ME1: variants seen among roughly 807,000 people sequenced by gnomAD.
ME1 encodes the protein NADP-dependent malic enzyme.
Under a neutral mutation model 66.4 loss-of-function variants are expected in ME1, and 74 were observed. The observed-to-expected ratio is 1.11, with a 90% confidence interval of 0.92 to 1.35. The LOEUF (loss-of-function observed/expected upper bound fraction) is 1.35, where lower values mean the gene tolerates loss of function less well. ME1 is among the 40% of genes most tolerant of loss of function. The probability of loss-of-function intolerance (pLI) is 0.00; values close to 1 mark genes in which losing one functional copy is unlikely to be tolerated. For synonymous variants in ME1, 251 were observed against 235.6 expected (o/e 1.07, Z -0.60); for missense variants, 750 against 694.1 (o/e 1.08, Z -0.90).
chr6:83,416,286 C>T (rs2128552925), intron 1 of ME1, among the ~76,000 whole-genome samples: 1 of 152,260 alleles, frequency 6.6e-6, no homozygotes, highest in African/African-American at 2.4e-5. Context: ...GCTTATGGTA[C>T]AAAGTTTTAA....
At chr6:83,405,616 A>G (rs191474933) in intron 2 of ME1, among the ~76,000 whole-genome samples, 14 of 151,872 alleles carry the variant, frequency 9.2e-5, no homozygotes, top group African/African-American at 3.4e-4. Context: ...GCTTTCGCCC[A>G]CTCAGTATGA....
At chr6:83,282,698 T>C (rs538714623) in intron 6 of ME1, among the ~76,000 whole-genome samples, 4 of 152,180 alleles carry the variant, frequency 2.6e-5, no homozygotes, top group Non-Finnish European at 5.9e-5. Context: ...GAAAACAGTG[T>C]GACGATTCCT....
chr6:83,359,974 G>A (rs1768977937), intron 3 of ME1, among the ~76,000 whole-genome samples: 1 of 152,236 alleles, frequency 6.6e-6, no homozygotes, highest in Non-Finnish European at 1.5e-5. Context: ...AGGCAATGCA[G>A]CAATCAGAAT....
At chr6:83,414,111 GAAAAAAAA>G (rs758493692) in intron 1 of ME1, among the ~76,000 whole-genome samples, 976 of 66,492 alleles carry the variant, frequency 0.015, 4 homozygotes, top group Non-Finnish European at 0.022. Context: ...ACCCCATCTT[GAAAAAAAA>G]AAAAAAAAAA....
intron 6 of ME1, among the ~76,000 whole-genome samples, chr6:83,300,550 A>G (rs1767694838): frequency 6.6e-6 from 1 of 151,360 alleles, no homozygotes; most frequent in Non-Finnish European, 1.5e-5. Context: ...AAACAGCCCC[A>G]TTAAAAAGTA....
chr6:83,297,889 A>T (rs1324405633), intron 6 of ME1, among the ~76,000 whole-genome samples: 4 of 152,300 alleles, frequency 2.6e-5, no homozygotes, highest in Admixed American at 2.6e-4. Context: ...AAAGGACATG[A>T]TCTCATTCCT....
intron 2 of ME1, among the ~76,000 whole-genome samples, chr6:83,401,564 GGAAC>G (rs1251901594): frequency 6.6e-6 from 1 of 152,136 alleles, no homozygotes; most frequent in Non-Finnish European, 1.5e-5. Context: ...AAGATGTTAT[GGAAC>G]AAATGAAAGA....
rs962683070 is a variant in ME1 at position 83,352,119 on chromosome 6, T to A, written c.383A>T (p.His128Leu). The A allele has an allele frequency of 8.5e-6, 13 of 1,525,376 alleles. No homozygotes were observed. In the Admixed American group the frequency reaches 1.6e-4, roughly 19 times the overall value. 94.5% of individuals were successfully genotyped at this position (1,525,376 alleles called of 1,614,324 possible). Reference protein sequence around the residue: ...RKPRGLFITIHDRGHIASVLN... With the variant: ...RKPRGLFITILDRGHIASVLN... ...AACTGAAGCAATATGCCCTCGATCG[T>A]GGATAGTAATAAAGAGACCTCTGCA... The change falls in exon 4 of 14, where the codon CAC (histidine) becomes CTC (leucine). Residue 128 changes from histidine (H) to leucine (L), a missense_variant. Coordinates refer to ENST00000369705, the MANE Select transcript of ME1 (RefSeq NM_002395.6).
intron 6 of ME1, among the ~76,000 whole-genome samples, chr6:83,308,610 T>C (rs1426044663): frequency 6.6e-6 from 1 of 151,530 alleles, no homozygotes; most frequent in Non-Finnish European, 1.5e-5. Flanking sequence ...TACTTTTCAT[T>C]TTAAGCTATA....
intron 3 of ME1, among the ~76,000 whole-genome samples, chr6:83,369,653 GAGGAAGGAAGGAAGGAACGAAGGAAGGA>G (rs775607940): frequency 0.18 from 25,068 of 141,408 alleles, 2,634 homozygotes; most frequent in Middle Eastern, 0.3. Context: ...GAGACAGAGA[GAGGAAGGAAGGAAGGAACGAAGGAAGGA>G]AGGAAGGAAG....
Position 83,210,918 on chromosome 6 carries a change from T to C in ME1, c.*1006A>G, listed in dbSNP as rs1426691368. On this transcript the variant is annotated 3_prime_UTR_variant, in exon 14 of 14. Transcript: ENST00000369705. ...ATTTCTGATACTGGGAACTTAATTA[T>C]AATACTTTCTCCAAATTCAGGCAAA... 6.6e-6 allele frequency: 1 copy of C among 152,226 alleles called. No individual in the cohort carries two copies. Among genetic ancestry groups the C allele is most frequent in the African/African-American group, 2.4e-5 (1 of 41,466 alleles). 9.4% of individuals were successfully genotyped at this position (152,226 alleles called of 1,614,324 possible). A position where few individuals can be genotyped will look rare whatever the true frequency, so the allele number is the denominator to read the frequency against.
chr6:83,311,106 G>A (rs1299365348), intron 6 of ME1, among the ~76,000 whole-genome samples: 1 of 151,986 alleles, frequency 6.6e-6, no homozygotes, highest in African/African-American at 2.4e-5. Flanking sequence ...AAGTTAACAT[G>A]TGCCCCTTAA....
chr6:83,429,847 A>G (rs544655373), intron 1 of ME1, among the ~76,000 whole-genome samples: 2 of 152,202 alleles, frequency 1.3e-5, no homozygotes, highest in Non-Finnish European at 2.9e-5. Context: ...AGAGACAACC[A>G]AAATAACTAA....
chr6:83,215,266 C>T (rs1789968323), intron 13 of ME1, among the ~76,000 whole-genome samples: 1 of 151,934 alleles, frequency 6.6e-6, no homozygotes, highest in Non-Finnish European at 1.5e-5. Flanking sequence ...GCAATTTGGC[C>T]CCCAAGGGGA....
intron 7 of ME1, among the ~76,000 whole-genome samples, chr6:83,243,527 TCGA>T (rs1279631787): frequency 0.27 from 33,558 of 122,518 alleles, 7,350 homozygotes; most frequent in African/African-American, 0.36. Context: ...TTATATTATA[TCGA>T]TATAATCTAT....
chr6:83,367,865 T>G (rs1042802841), intron 3 of ME1, among the ~76,000 whole-genome samples: 6 of 152,216 alleles, frequency 3.9e-5, no homozygotes, highest in African/African-American at 7.2e-5. Flanking sequence ...CAAGAAGTTT[T>G]CCTTTGCATT....
intron 1 of ME1, among the ~76,000 whole-genome samples, chr6:83,428,965 T>G (rs948046493): frequency 1.3e-5 from 2 of 152,124 alleles, no homozygotes; most frequent in South Asian, 4.1e-4. Flanking sequence ...ACAAGGATTG[T>G]TATATCATAA....
At chr6:83,300,721 C>G (rs1270368679) in intron 6 of ME1, among the ~76,000 whole-genome samples, 1 of 140,126 alleles carries the variant, frequency 7.1e-6, no homozygotes, top group Admixed American at 7.8e-5. Context: ...GATTGCAAAT[C>G]ATGCTGCTAT....
intron 3 of ME1, chr6:83,393,453 A>T: frequency 1.8e-6 from 1 of 557,892 alleles, no homozygotes; most frequent in Non-Finnish European, 3.2e-6. Context: ...ACGGGAAGAG[A>T]GCGGCCCTCA....
Sources: allele counts gnomAD v4.1 joint callset (sites outside exome capture counted in the v4.1 genomes callset), GRCh38; gene constraint gnomAD v4.1.1; transcripts MANE v1.5; gene names NCBI Gene and HGNC (gene_info 2026-07-23, HGNC 2026-07-21).